Variants in CSMD1 observed in about 807,000 individuals in gnomAD.
CSMD1 encodes the protein CUB and sushi domain-containing protein 1.
CSMD1 carries 213 observed loss-of-function variants against 417.5 expected under a neutral mutation model. The ratio of observed to expected loss-of-function variants is 0.51; its 90% CI spans 0.46 to 0.57. CSMD1 has a LOEUF of 0.57. CSMD1 is among the 20% of genes least tolerant of loss of function. The pLI is 0.00. For missense variants in CSMD1, 6,923 were observed against 4,529.7 expected (o/e 1.53, Z -15.17); for synonymous variants, 2,862 against 1,736.8 (o/e 1.65, Z -16.11).
At position 3,585,043 on chromosome 8, in the gene CSMD1, C is replaced by G. The variant is rs1448623110; in HGVS notation, c.1222+1093G>C. ...AGGGTCTCCATTTAAGAGGTGACAA[C>G]TCGCTATCAGCTGGGCCATACACCC... On this transcript the variant is annotated intron_variant, in intron 9 of 69. Transcript: ENST00000635120. Among the ~76,000 whole-genome samples the G allele has an allele frequency of 2.6e-5, 4 of 152,170 alleles. No homozygotes were observed. The East Asian group carries it at 7.7e-4, about 29-fold the overall frequency.
intron 5 of CSMD1, among the ~76,000 whole-genome samples, chr8:3,811,675 T>C (rs780074017): frequency 4.6e-5 from 7 of 152,080 alleles, no homozygotes; most frequent in Non-Finnish European, 8.8e-5. Context: ...GGAATCAATA[T>C]TCAATACTAG....
At chr8:3,608,343 GA>G (rs953304403) in intron 8 of CSMD1, among the ~76,000 whole-genome samples, 17 of 152,274 alleles carry the variant, frequency 1.1e-4, no homozygotes, top group African/African-American at 4.1e-4. Context: ...CATTGTGGAA[GA>G]AAAGAGAAAA....
chr8:4,800,414 G>C (rs1411646235), intron 1 of CSMD1, among the ~76,000 whole-genome samples: 2 of 149,188 alleles, frequency 1.3e-5, no homozygotes, highest in African/African-American at 2.5e-5. Flanking sequence ...CTCCAGGCTG[G>C]GTGACAAGAG....
At chr8:4,159,837 G>C (rs992745766) in intron 3 of CSMD1, among the ~76,000 whole-genome samples, 2 of 152,090 alleles carry the variant, frequency 1.3e-5, no homozygotes, top group Non-Finnish European at 2.9e-5. Context: ...AGTAACTCTG[G>C]AATGGAAAAC....
Position 4,203,082 on chromosome 8 carries a change from G to C in CSMD1, c.416-170983C>G, listed in dbSNP as rs4875308. ...GTTAAGGATTTTGAGCAAGTGAGAT[G>C]ACTTGCAGTTATCTGTGTGGGTTCC... On this transcript the variant is annotated intron_variant, in intron 3 of 69. Coordinates refer to ENST00000635120, the MANE Select transcript of CSMD1 (RefSeq NM_033225.6). Among the ~76,000 whole-genome samples, 14 of 152,170 alleles carry C rather than the reference G, an allele frequency of 9.2e-5. No individual in the cohort carries two copies. The East Asian group carries it at 2.7e-3, about 29-fold the overall frequency.
chr8:4,864,427 C>T (rs1225614556), intron 1 of CSMD1, among the ~76,000 whole-genome samples: 1 of 151,862 alleles, frequency 6.6e-6, no homozygotes, highest in Non-Finnish European at 1.5e-5. Flanking sequence ...TTTACTATAT[C>T]CACAAATTTG....
chr8:3,118,024 A>C (rs1488016386), intron 42 of CSMD1, among the ~76,000 whole-genome samples: 1 of 152,194 alleles, frequency 6.6e-6, no homozygotes, highest in African/African-American at 2.4e-5. Context: ...ATTAATAAGT[A>C]CCCTTTTTCC....
intron 12 of CSMD1, among the ~76,000 whole-genome samples, chr8:3,440,774 T>A (rs796135848): frequency 2.6e-5 from 4 of 152,162 alleles, no homozygotes; most frequent in Admixed American, 1.3e-4. Context: ...TCTAAGTGTT[T>A]TTTTGTTTTG....
chr8:4,036,098 G>C (rs909416977), intron 3 of CSMD1, among the ~76,000 whole-genome samples: 11 of 152,106 alleles, frequency 7.2e-5, no homozygotes, highest in African/African-American at 2.4e-4. Context: ...GTACAGGTTT[G>C]CACTCTAGGA....
At chr8:3,115,001 G>A (rs1478021003) in intron 42 of CSMD1, among the ~76,000 whole-genome samples, 1 of 152,056 alleles carries the variant, frequency 6.6e-6, no homozygotes, top group African/African-American at 2.4e-5. Flanking sequence ...TTATGATAGT[G>A]TTTAAGATTT....
rs114134095 is a variant in CSMD1, at chr8:4,255,399, C to T, written c.415+164554G>A. On this transcript the variant is annotated intron_variant, in intron 3 of 69. Coordinates refer to ENST00000635120, the MANE Select transcript of CSMD1 (RefSeq NM_033225.6). ...GACTGAGCAAAAAAATTAAAGAGGACGCAATATGCAAACAGTAAAAATTGC... is the reference window on the plus strand; with the variant it reads ...GACTGAGCAAAAAAATTAAAGAGGATGCAATATGCAAACAGTAAAAATTGC... 5.7e-4 allele frequency among the ~76,000 whole-genome samples: 87 copies of T among 152,204 alleles called. 1 individual carries two copies. The highest frequency in any genetic ancestry group is 1.8e-3 in the African/African-American group (76 of 41,522).
intron 1 of CSMD1, among the ~76,000 whole-genome samples, chr8:4,957,637 T>C (rs1809206052): frequency 1.3e-5 from 2 of 152,220 alleles, no homozygotes; most frequent in Non-Finnish European, 2.9e-5. Context: ...AAATAAATGA[T>C]GTTTACCATT....
intron 21 of CSMD1, among the ~76,000 whole-genome samples, chr8:3,355,460 C>G (rs568694047): frequency 2.0e-5 from 3 of 152,290 alleles, no homozygotes; most frequent in African/African-American, 7.2e-5. Flanking sequence ...AGATGGAATT[C>G]TAAATGTGCT....
chr8:4,216,276 C>T (rs1351530713), intron 3 of CSMD1, among the ~76,000 whole-genome samples: 1 of 152,066 alleles, frequency 6.6e-6, no homozygotes, highest in African/African-American at 2.4e-5. Flanking sequence ...GAGACCTGAC[C>T]TTCTCCCTGT....
At chr8:3,322,812 G>A (rs1377221071) in intron 23 of CSMD1, among the ~76,000 whole-genome samples, 2 of 152,190 alleles carry the variant, frequency 1.3e-5, no homozygotes, top group Non-Finnish European at 2.9e-5. Context: ...TGTCCAGTCT[G>A]CTTACAAAAT....
intron 3 of CSMD1, among the ~76,000 whole-genome samples, chr8:4,332,552 TACACACACACACACAC>T (rs368534632): frequency 0.085 from 10,970 of 128,768 alleles, 657 homozygotes; most frequent in African/African-American, 0.16. Flanking sequence ...TGATATCACA[TACACACACACACACAC>T]ACACACACAC....
intron 1 of CSMD1, among the ~76,000 whole-genome samples, chr8:4,791,916 ATTAAT>A (rs1797712318): frequency 6.6e-6 from 1 of 151,320 alleles, no homozygotes; most frequent in African/African-American, 2.5e-5. Flanking sequence ...GAAAAGGTAG[ATTAAT>A]TTAGTTTCTT....
At chr8:4,405,371 C>G (rs773284142) in intron 3 of CSMD1, among the ~76,000 whole-genome samples, 6 of 151,490 alleles carry the variant, frequency 4.0e-5, no homozygotes, top group Non-Finnish European at 4.4e-5. Context: ...GGTTTAGATT[C>G]TGGCACAAAC....
At chr8:4,314,123 C>T (rs549539284) in intron 3 of CSMD1, among the ~76,000 whole-genome samples, 8 of 151,982 alleles carry the variant, frequency 5.3e-5, no homozygotes, top group Non-Finnish European at 1.0e-4. Context: ...ACCATGTATC[C>T]GACATGCAGA....
Sources: gnomAD v4.1 joint callset for allele counts (sites outside exome capture counted in the v4.1 genomes callset) on GRCh38, gnomAD v4.1.1 for gene constraint, MANE v1.5 for transcripts, NCBI Gene and HGNC (gene_info 2026-07-23, HGNC 2026-07-21) for gene names.